The following MARCHF1 variants were observed in gnomAD, a reference collection of about 807,000 sequenced individuals.
MARCHF1 encodes membrane associated ring-CH-type finger 1, also known as E3 ubiquitin-protein ligase MARCHF1.
A neutral mutation model predicts 54.2 loss-of-function variants in MARCHF1; 40 were observed. The ratio of observed to expected loss-of-function variants is 0.74; its 90% confidence interval spans 0.57 to 0.96. The LOEUF (loss-of-function observed/expected upper bound fraction) is 0.96. MARCHF1 is among the 40% of genes least tolerant of loss of function. The pLI, the probability that MARCHF1 is intolerant of heterozygous loss-of-function variation, is 0.00. For missense variants in MARCHF1, 586 were observed against 656.5 expected, an observed-to-expected ratio of 0.89 and a Z score of 1.17; for synonymous variants, 236 against 236.3, an observed-to-expected ratio of 1.00 and a Z score of 0.01.
intron 5 of MARCHF1, among the ~76,000 whole-genome samples, chr4:163,690,151 G>A (rs900670480): frequency 5.9e-5 from 9 of 152,120 alleles, no homozygotes; most frequent in African/African-American, 1.9e-4. Flanking sequence ...GAAATCCCAT[G>A]TCCCATTGTG....
At chr4:163,863,114 A>G (rs1303653809) in intron 3 of MARCHF1, among the ~76,000 whole-genome samples, 1 of 152,078 alleles carries the variant, frequency 6.6e-6, no homozygotes, top group Admixed American at 6.6e-5. Flanking sequence ...TGAAAATCTT[A>G]TAGAACCTCA....
chr4:163,601,369 A>G (rs956543398), intron 7 of MARCHF1, among the ~76,000 whole-genome samples: 1 of 149,464 alleles, frequency 6.7e-6, no homozygotes, highest in African/African-American at 2.5e-5. Flanking sequence ...TTAAAAATGA[A>G]TTGTATGTGT....
At chr4:164,133,019 C>T (rs1043443734) in intron 1 of MARCHF1, among the ~76,000 whole-genome samples, 9 of 152,032 alleles carry the variant, frequency 5.9e-5, no homozygotes, top group African/African-American at 7.2e-5. Context: ...TGCTTTCTGA[C>T]GGAATAAAGT....
Position 163,613,377 on chromosome 4 carries a change from G to T in MARCHF1, c.179C>A (p.Thr60Lys), listed in dbSNP as rs369847055. Reference sequence around the variant, plus strand: ...TGACTGGCTCCTGGGAGCTGTCCCTGTTGTTGGGCTGCTTGCCTGGAGAAA... The same window carrying T: ...TGACTGGCTCCTGGGAGCTGTCCCTTTTGTTGGGCTGCTTGCCTGGAGAAA... ...SNISKASSPTTGTAPRSQSRL... is the reference protein window; with the variant it reads ...SNISKASSPTKGTAPRSQSRL... Residue 60 changes from threonine to lysine, a missense_variant, in exon 6 of 10, where the codon ACA (threonine) becomes AAA (lysine). Physicochemically the swap from Thr to Lys is moderately conservative, Grantham distance 78. Around this residue, in one of 3 missense-constraint regions of MARCHF1, gnomAD observed 387 missense variants for 394.6 expected, o/e 0.98. Transcript: ENST00000514618. 5 of 1,613,332 alleles carry T rather than the reference G, an allele frequency of 3.1e-6. No homozygotes were observed. Among genetic ancestry groups the T allele is most frequent in the Non-Finnish European group, 4.2e-6 (5 of 1,179,540 alleles).
intron 4 of MARCHF1, among the ~76,000 whole-genome samples, chr4:163,846,631 A>T (rs774639401): frequency 3.9e-5 from 6 of 152,198 alleles, no homozygotes; most frequent in Non-Finnish European, 8.8e-5. Context: ...GAATATTAGT[A>T]TAACAGAAGT....
chr4:163,756,627 G>GTC (rs1381779681), intron 4 of MARCHF1, among the ~76,000 whole-genome samples: 1 of 58,216 alleles, frequency 1.7e-5, no homozygotes, highest in East Asian at 5.4e-4. Flanking sequence ...GCGAGACTCT[G>GTC]TCTCAAAAAA....
At chr4:164,350,786 C>G (rs371360448) in intron 1 of MARCHF1, among the ~76,000 whole-genome samples, 1 of 152,156 alleles carries the variant, frequency 6.6e-6, no homozygotes, top group Non-Finnish European at 1.5e-5. Context: ...GGAACAGCTC[C>G]GGTCTACAGC....
In MARCHF1 at chr4:163,703,273, C is replaced by G. The variant is rs140443010; in HGVS notation, c.112-2410G>C. On this transcript the variant is annotated intron_variant, in intron 4 of 9. Transcript: ENST00000514618. ...ATCTTATTTTCTATATCTTGCAATT[C>G]TGCCTTTGATTCTGGCACATAAAAT... Among the ~76,000 whole-genome samples, 4 of 151,686 alleles carry G rather than the reference C, an allele frequency of 2.6e-5. No individual in the cohort carries two copies. The East Asian group carries it at 7.7e-4, about 29-fold the overall frequency.
chr4:163,885,391 A>G (rs1750503431), intron 3 of MARCHF1, among the ~76,000 whole-genome samples: 1 of 152,206 alleles, frequency 6.6e-6, no homozygotes, highest in Non-Finnish European at 1.5e-5. Flanking sequence ...AGACACCATC[A>G]ACCAAAAATA....
intron 4 of MARCHF1, among the ~76,000 whole-genome samples, chr4:163,729,239 G>GT (rs894475817): frequency 5.9e-5 from 9 of 151,756 alleles, no homozygotes; most frequent in South Asian, 2.1e-4. Context: ...GCCTTTTTTT[G>GT]TTTTTTTGTT....
At chr4:164,234,418 C>T (rs186121200) in intron 1 of MARCHF1, among the ~76,000 whole-genome samples, 1 of 152,068 alleles carries the variant, frequency 6.6e-6, no homozygotes, top group East Asian at 1.9e-4. Flanking sequence ...TAAGACATGG[C>T]CATAAAAACA....
intron 2 of MARCHF1, among the ~76,000 whole-genome samples, chr4:164,009,899 C>A (rs1753380966): frequency 6.6e-6 from 1 of 151,996 alleles, no homozygotes; most frequent in African/African-American, 2.4e-5. Flanking sequence ...AGGATGCCTA[C>A]CTTTACCACT....
chr4:164,142,978 G>A (rs147328252), intron 1 of MARCHF1, among the ~76,000 whole-genome samples: 4,074 of 151,920 alleles, frequency 0.027, 168 homozygotes, highest in African/African-American at 0.093. Flanking sequence ...AGAGCTTAAC[G>A]GAGCTGATGG....
intron 7 of MARCHF1, among the ~76,000 whole-genome samples, chr4:163,603,167 T>A (rs995343623): frequency 5.9e-5 from 3 of 50,982 alleles, no homozygotes; most frequent in Non-Finnish European, 1.6e-4. Flanking sequence ...GGAAGTGTAA[T>A]TTTTTTTTCT....
intron 7 of MARCHF1, among the ~76,000 whole-genome samples, chr4:163,608,241 T>A (rs1741208283): frequency 6.6e-6 from 1 of 152,038 alleles, no homozygotes; most frequent in Non-Finnish European, 1.5e-5. Flanking sequence ...AGGAAGCTGT[T>A]CCTAAAGAAA....
rs1483803244 is a variant in MARCHF1, at chr4:163,900,472, A to T, written c.-38-46303T>A. 2.6e-5 allele frequency among the ~76,000 whole-genome samples: 4 copies of T among 152,130 alleles called. No homozygotes were observed. In the East Asian group the frequency reaches 5.8e-4, roughly 22 times the overall value. Reference sequence around the variant, plus strand: ...TATAGTTTCAGGCCTAAACAATAGTACCTAGGGACTTGTTCTGTAGTTGAG... The same window carrying T: ...TATAGTTTCAGGCCTAAACAATAGTTCCTAGGGACTTGTTCTGTAGTTGAG... On this transcript the variant is annotated intron_variant, in intron 3 of 9. Transcript: ENST00000514618.
intron 3 of MARCHF1, among the ~76,000 whole-genome samples, chr4:163,860,588 C>A (rs1339738795): frequency 6.6e-6 from 1 of 152,178 alleles, no homozygotes; most frequent in Admixed American, 6.5e-5. Flanking sequence ...GTGAAGGCCA[C>A]AGCCGAGAAA....
intron 1 of MARCHF1, among the ~76,000 whole-genome samples, chr4:164,234,268 T>C (rs567218277): frequency 1.3e-5 from 2 of 152,280 alleles, no homozygotes; most frequent in African/African-American, 4.8e-5. Flanking sequence ...GAAAACTCTT[T>C]CAAAAAGGCT....
At chr4:163,647,815 A>G (rs1015805227) in intron 5 of MARCHF1, among the ~76,000 whole-genome samples, 4 of 151,876 alleles carry the variant, frequency 2.6e-5, no homozygotes, top group Non-Finnish European at 4.4e-5. Context: ...AAAATCTCAA[A>G]TAAATAACCT....
Sources: allele counts gnomAD v4.1 joint callset (sites outside exome capture counted in the v4.1 genomes callset), GRCh38; gene constraint gnomAD v4.1.1; regional missense constraint gnomAD v4.1.1; transcripts MANE v1.5; gene names NCBI Gene and HGNC (gene_info 2026-07-23, HGNC 2026-07-21).